Variants in KIAA1328 observed in about 807,000 individuals in gnomAD.
KIAA1328 encodes KIAA1328.
A neutral mutation model predicts 68.1 loss-of-function variants in KIAA1328; 52 were observed. That is an observed-to-expected ratio of 0.76 (90% CI 0.61 to 0.96). The LOEUF is 0.96. KIAA1328 is among the 40% of genes least tolerant of loss of function. The pLI, the probability that KIAA1328 is intolerant of heterozygous loss-of-function variation, is 0.00. For synonymous variants in KIAA1328, 232 were observed against 239.4 expected (o/e 0.97, Z 0.28); for missense variants, 641 against 677.6 (o/e 0.95, Z 0.60).
intron 5 of KIAA1328, chr18:36,923,706 G>A (rs2050013515): frequency 6.6e-6 from 1 of 152,142 alleles, no homozygotes; most frequent in Admixed American, 6.6e-5. Flanking sequence ...GTATAGTATG[G>A]TGACCACTAG....
At chr18:37,161,487 A>G (rs960433530) in intron 8 of KIAA1328, among the ~76,000 whole-genome samples, 1 of 152,262 alleles carries the variant, frequency 6.6e-6, no homozygotes, top group African/African-American at 2.4e-5. Context: ...TGTTAGACAT[A>G]AGGCAAAGAA....
intron 6 of KIAA1328, among the ~76,000 whole-genome samples, chr18:36,988,281 G>T (rs1198637705): frequency 6.6e-6 from 1 of 152,144 alleles, no homozygotes; most frequent in Admixed American, 6.5e-5. Context: ...TTATATAAGT[G>T]TATATAGATT....
At chr18:37,063,696 T>A in intron 6 of KIAA1328, 4 of 984,550 alleles carry the variant, frequency 4.1e-6, no homozygotes, top group Non-Finnish European at 4.8e-6. Context: ...CTGTACTACC[T>A]CTCAAAAACA....
intron 6 of KIAA1328, among the ~76,000 whole-genome samples, chr18:37,003,108 A>G (rs1480003227): frequency 6.6e-6 from 1 of 152,146 alleles, no homozygotes; most frequent in East Asian, 1.9e-4. Flanking sequence ...CATTCTCTTC[A>G]AAAGTAGTGC....
At chr18:37,154,078 A>T (rs1357144465) in intron 7 of KIAA1328, among the ~76,000 whole-genome samples, 1 of 152,068 alleles carries the variant, frequency 6.6e-6, no homozygotes, top group East Asian at 1.9e-4. Flanking sequence ...CCTTTTTCTA[A>T]AAGACTGTTT....
chr18:36,833,470 G>A (rs1033255786), intron 1 of KIAA1328: 1 of 152,230 alleles, frequency 6.6e-6, no homozygotes, highest in African/African-American at 2.4e-5. Flanking sequence ...GATCAGAGAT[G>A]TAACAAGTTA....
chr18:37,215,973 T>G (rs2060423250), intron 9 of KIAA1328, among the ~76,000 whole-genome samples: 1 of 152,260 alleles, frequency 6.6e-6, no homozygotes, highest in South Asian at 2.1e-4. Context: ...TAGTTTGTAC[T>G]TCTGTGGAAT....
chr18:37,099,041 A>AT (rs1370485371), intron 7 of KIAA1328, among the ~76,000 whole-genome samples: 1 of 151,766 alleles, frequency 6.6e-6, no homozygotes, highest in East Asian at 1.9e-4. Context: ...GGATTCATTG[A>AT]TTTTTTTGAA....
intron 5 of KIAA1328, among the ~76,000 whole-genome samples, chr18:36,920,879 C>A (rs944358109): frequency 6.6e-6 from 1 of 152,108 alleles, no homozygotes; most frequent in African/African-American, 2.4e-5. Flanking sequence ...GTGCAGCTTT[C>A]CCCTCTCTAG....
chr18:36,984,704 G>A (rs1163350601), intron 6 of KIAA1328, among the ~76,000 whole-genome samples: 6 of 151,956 alleles, frequency 3.9e-5, no homozygotes, highest in Admixed American at 2.6e-4. Context: ...TCAAGAGATC[G>A]AGGCCATCCT....
intron 6 of KIAA1328, among the ~76,000 whole-genome samples, chr18:37,009,187 C>T (rs572492606): frequency 3.1e-4 from 47 of 151,280 alleles, no homozygotes; most frequent in Non-Finnish European, 5.3e-4. Context: ...CTTTCTGTGA[C>T]AGAGACTGCC....
chr18:37,152,114 AAAAC>A (rs1345592516), intron 7 of KIAA1328, among the ~76,000 whole-genome samples: 2 of 151,814 alleles, frequency 1.3e-5, no homozygotes, highest in African/African-American at 2.4e-5. Flanking sequence ...AAAAAAAAAA[AAAAC>A]AGATTAGCAA....
At chr18:37,030,873 C>T (rs999227541) in intron 6 of KIAA1328, among the ~76,000 whole-genome samples, 3 of 152,042 alleles carry the variant, frequency 2.0e-5, no homozygotes, top group South Asian at 2.1e-4. Context: ...TGATGTTCCC[C>T]GCCCTGTGTC....
chr18:37,151,489 G>A (rs1374416645), intron 7 of KIAA1328, among the ~76,000 whole-genome samples: 1 of 152,114 alleles, frequency 6.6e-6, no homozygotes, highest in Non-Finnish European at 1.5e-5. Context: ...TATTCTAGAA[G>A]ACTAAATTGA....
At chr18:37,116,433 G>T (rs1056228153) in intron 7 of KIAA1328, among the ~76,000 whole-genome samples, 4 of 150,698 alleles carry the variant, frequency 2.7e-5, no homozygotes, top group African/African-American at 7.5e-5. Context: ...TTTAATAAAT[G>T]GTGCTGGGAA....
At chr18:36,952,199 C>G (rs372127994) in intron 5 of KIAA1328, among the ~76,000 whole-genome samples, 1 of 152,128 alleles carries the variant, frequency 6.6e-6, no homozygotes, top group Admixed American at 6.5e-5. Flanking sequence ...GCCTACCTAC[C>G]TGGTACATCT....
chr18:37,212,997 G>A (rs1426509160), intron 9 of KIAA1328, among the ~76,000 whole-genome samples: 1 of 152,166 alleles, frequency 6.6e-6, no homozygotes, highest in Admixed American at 6.5e-5. Context: ...GGGATTACAG[G>A]CGTGCGCCAC....
At chr18:36,909,473 T>C (rs966483096) in intron 5 of KIAA1328, among the ~76,000 whole-genome samples, 10 of 152,178 alleles carry the variant, frequency 6.6e-5, no homozygotes, top group African/African-American at 2.2e-4. Context: ...TCATCCTTTT[T>C]TATGGCTGCA....
intron 9 of KIAA1328, among the ~76,000 whole-genome samples, chr18:37,179,730 T>C (rs2059662802): frequency 6.6e-6 from 1 of 152,186 alleles, no homozygotes; most frequent in Admixed American, 6.6e-5. Flanking sequence ...TTTATTGTTA[T>C]CTTAAGTAAC....
Sources: gnomAD v4.1 joint callset for allele counts (sites outside exome capture counted in the v4.1 genomes callset) on GRCh38, gnomAD v4.1.1 for gene constraint, MANE v1.5 for transcripts, NCBI Gene and HGNC (gene_info 2026-07-23, HGNC 2026-07-21) for gene names.